DLG2: variants seen among roughly 807,000 people sequenced by gnomAD.
DLG2 encodes the protein disks large homolog 2.
DLG2 carries 45 observed loss-of-function variants against 132.5 expected under a neutral mutation model. That is an observed-to-expected ratio of 0.34 (90% CI 0.27 to 0.44). DLG2 has a LOEUF of 0.44. Ranked by LOEUF, DLG2 falls within the 20% of genes least tolerant of loss-of-function variation. The probability of loss-of-function intolerance (pLI) is 1.00; values close to 1 mark genes in which losing one functional copy is unlikely to be tolerated. For missense variants in DLG2, 1,045 were observed against 1,196.9 expected, an observed-to-expected ratio of 0.87 and a Z score of 1.87; for synonymous variants, 424 against 419.6, an observed-to-expected ratio of 1.01 and a Z score of -0.13.
At chr11:84,535,222 T>C (rs1368750052) in intron 6 of DLG2, among the ~76,000 whole-genome samples, 1 of 152,158 alleles carries the variant, frequency 6.6e-6, no homozygotes, top group Non-Finnish European at 1.5e-5. Context: ...GAGGAAAAAA[T>C]TTTGTCACCC....
rs556444492 is a variant in DLG2, at chr11:83,521,818, CT to C, written c.2193+10889del. On this transcript the variant is annotated intron_variant, in intron 21 of 27. Coordinates refer to ENST00000376104, the MANE Select transcript of DLG2 (RefSeq NM_001142699.3). Reference sequence around the variant, plus strand: ...GGATGTAGGCTCTATGATTTCTCCCCTGAGTCATCCCACCGTCCTTCCCTAG... The same window carrying C: ...GGATGTAGGCTCTATGATTTCTCCCCGAGTCATCCCACCGTCCTTCCCTAG... 2.8e-4 allele frequency among the ~76,000 whole-genome samples: 43 copies of C among 152,182 alleles called. 1 individual carries two copies. Among genetic ancestry groups the C allele is most frequent in the African/African-American group, 9.6e-4 (40 of 41,538 alleles).
At chr11:83,742,913 C>T (rs2092638043) in intron 18 of DLG2, among the ~76,000 whole-genome samples, 1 of 152,142 alleles carries the variant, frequency 6.6e-6, no homozygotes, top group South Asian at 2.1e-4. Context: ...TAAATGAAGA[C>T]ATCTCTATTG....
intron 3 of DLG2, among the ~76,000 whole-genome samples, chr11:85,582,829 G>A (rs2078641231): frequency 6.7e-6 from 1 of 149,888 alleles, no homozygotes; most frequent in Non-Finnish European, 1.5e-5. Context: ...GTTTCTGTGT[G>A]TTTTAAACTT....
At chr11:84,673,778 C>T (rs569199923) in intron 6 of DLG2, among the ~76,000 whole-genome samples, 61 of 152,104 alleles carry the variant, frequency 4.0e-4, no homozygotes, top group African/African-American at 1.4e-3. Context: ...TCAGAGTCTG[C>T]AAGATATTTA....
chr11:85,499,282 G>A (rs1458497678), intron 3 of DLG2, among the ~76,000 whole-genome samples: 1 of 152,064 alleles, frequency 6.6e-6, no homozygotes, highest in Non-Finnish European at 1.5e-5. Context: ...TGATCCCACA[G>A]AAATACAAAC....
intron 6 of DLG2, among the ~76,000 whole-genome samples, chr11:85,022,181 G>T (rs1459344862): frequency 6.6e-6 from 1 of 151,386 alleles, no homozygotes; most frequent in East Asian, 1.9e-4. Flanking sequence ...CTAAAAGAAT[G>T]AAAATAAGGT....
intron 6 of DLG2, among the ~76,000 whole-genome samples, chr11:84,892,786 T>G (rs2089607596): frequency 6.6e-6 from 1 of 152,062 alleles, no homozygotes; most frequent in African/African-American, 2.4e-5. Flanking sequence ...CCAATTCACT[T>G]TTCAAAATTC....
intron 6 of DLG2, among the ~76,000 whole-genome samples, chr11:85,025,041 A>C (rs1321926925): frequency 1.3e-5 from 2 of 152,206 alleles, no homozygotes; most frequent in Non-Finnish European, 2.9e-5. Flanking sequence ...GCAATATTAC[A>C]TGTAATTCTG....
chr11:84,286,866 C>T (rs1202563166), intron 7 of DLG2, among the ~76,000 whole-genome samples: 1 of 152,128 alleles, frequency 6.6e-6, no homozygotes, highest in African/African-American at 2.4e-5. Flanking sequence ...GACGCCTAAG[C>T]TTTCCCATCT....
rs567256355 is a variant in DLG2, at chr11:85,063,348, A to G, written c.357+48313T>C. Among the ~76,000 whole-genome samples, 4 of 151,916 alleles carry G rather than the reference A, an allele frequency of 2.6e-5. No individual in the cohort carries two copies. In the South Asian group the frequency reaches 8.3e-4, roughly 32 times the overall value. On this transcript the variant is annotated intron_variant, in intron 6 of 27. Transcript: ENST00000376104. ...GGCCTGCAACAATGATTAATCCCAA[A>G]TTCTCTCATAGTCCACTGCATATGG...
chr11:84,678,096 A>G (rs17740811), intron 6 of DLG2, among the ~76,000 whole-genome samples: 10,647 of 152,112 alleles, frequency 0.07, 492 homozygotes, highest in Middle Eastern at 0.11. Flanking sequence ...AAAAGACTCT[A>G]TGGAAAAGCA....
rs531025692 is a variant in DLG2, at chr11:83,942,601, C to T, written c.1341-12118G>A. On this transcript the variant is annotated intron_variant, in intron 14 of 27. Coordinates refer to ENST00000376104, the MANE Select transcript of DLG2 (RefSeq NM_001142699.3). ...ATAAATCTGTATATATAGTTTGATG[C>T]CAATTTTGTAAGAGGCATATCTGTA... Among the ~76,000 whole-genome samples the T allele has an allele frequency of 3.9e-5, 6 of 152,126 alleles. No homozygotes were observed. The East Asian group carries it at 9.6e-4, about 24-fold the overall frequency.
intron 15 of DLG2, among the ~76,000 whole-genome samples, chr11:83,898,886 T>C (rs2072585578): frequency 6.6e-6 from 1 of 152,170 alleles, no homozygotes; most frequent in East Asian, 1.9e-4. Flanking sequence ...TCAGAAAAAA[T>C]ATGACTATAG....
chr11:85,314,745 C>A (rs1565310404), intron 3 of DLG2, among the ~76,000 whole-genome samples: 1 of 151,964 alleles, frequency 6.6e-6, no homozygotes, highest in Non-Finnish European at 1.5e-5. Context: ...ATTGCCCTAC[C>A]AGCTCTCTCA....
At chr11:83,473,960 A>C (rs1591441785) in intron 22 of DLG2, among the ~76,000 whole-genome samples, 1 of 152,050 alleles carries the variant, frequency 6.6e-6, no homozygotes, top group South Asian at 2.1e-4. Context: ...GGGTAGCTGG[A>C]ATGGGATGGG....
intron 6 of DLG2, among the ~76,000 whole-genome samples, chr11:84,999,809 C>A (rs986553995): frequency 6.6e-6 from 1 of 152,070 alleles, no homozygotes; most frequent in African/African-American, 2.4e-5. Flanking sequence ...AAAGAAAACT[C>A]TTGCCTGGGG....
intron 5 of DLG2, among the ~76,000 whole-genome samples, chr11:85,122,969 A>ATATATATATATATATAT (rs1438099030): frequency 1.2e-5 from 1 of 86,894 alleles, no homozygotes; most frequent in African/African-American, 4.3e-5. Context: ...ATATATATAT[A>ATATATATATATATATAT]TTTTTTTTTT....
chr11:85,305,416 G>A (rs549219381), intron 3 of DLG2, among the ~76,000 whole-genome samples: 11 of 152,270 alleles, frequency 7.2e-5, no homozygotes, highest in Admixed American at 3.3e-4. Context: ...AAACACAAGC[G>A]CAACTACAGG....
At chr11:83,490,593 A>AG (rs1341667549) in intron 21 of DLG2, among the ~76,000 whole-genome samples, 1 of 151,988 alleles carries the variant, frequency 6.6e-6, no homozygotes. Context: ...TATTAAAAAG[A>AG]GGGGAAAAGA....
Sources: allele counts gnomAD v4.1 joint callset (sites outside exome capture counted in the v4.1 genomes callset), GRCh38; gene constraint gnomAD v4.1.1; transcripts MANE v1.5; gene names NCBI Gene and HGNC (gene_info 2026-07-23, HGNC 2026-07-21).